The following CPA1 variants were observed in gnomAD, a reference collection of about 807,000 sequenced individuals.
CPA1 encodes the protein carboxypeptidase A1 (pancreatic).
Under a neutral mutation model 48.7 loss-of-function variants are expected in CPA1, and 42 were observed. The observed-to-expected ratio is 0.86, with a 90% CI of 0.67 to 1.11. CPA1 has a LOEUF of 1.11. Ranked by LOEUF, CPA1 falls within the 50% of genes most tolerant of loss-of-function variation. The pLI is 0.00. For synonymous variants in CPA1, 203 were observed against 217.9 expected, an observed-to-expected ratio of 0.93 and a Z score of 0.60; for missense variants, 477 against 544.7, an observed-to-expected ratio of 0.88 and a Z score of 1.24.
intron 7 of CPA1, 34 bp from the exon 8 acceptor site, chr7:130,385,112 G>T (rs782164835): frequency 6.2e-7 from 1 of 1,606,104 alleles, no homozygotes; most frequent in African/African-American, 1.3e-5. Context: ...GAAGCTGGAG[G>T]AGCCACACCG....
At chr7:130,381,238 G>T in intron 2 of CPA1, 59 bp downstream of exon 2, 1 of 1,256,944 alleles carries the variant, frequency 8.0e-7, no homozygotes, top group Non-Finnish European at 1.1e-6. Context: ...GGCCACCCCA[G>T]GTCCCCAGCG....
chr7:130,383,073 G>A (rs1224277524), intron 4 of CPA1, among the ~76,000 whole-genome samples: 2 of 152,162 alleles, frequency 1.3e-5, no homozygotes, highest in Non-Finnish European at 2.9e-5. Context: ...GAGCCACCAC[G>A]CCCAACCCAG....
rs781910756 is a variant in CPA1, at chr7:130,384,628, T to A, written c.787+2T>A. 4 of 1,612,882 alleles carry A rather than the reference T, an allele frequency of 2.5e-6. No individual in the cohort carries two copies. Among genetic ancestry groups the A allele is most frequent in the Non-Finnish European group, 3.4e-6 (4 of 1,178,888 alleles). ...GGAACTGGGACGCTGGCTTTGGGTG[T>A]AAGGCCCAGAGTGTCTTGGGAGCAA... On this transcript the variant is annotated splice_donor_variant, in intron 7 of 9. Coordinates refer to ENST00000011292, the MANE Select transcript of CPA1 (RefSeq NM_001868.4). LOFTEE classifies it high-confidence loss of function.
At chr7:130,380,841 G>C in intron 1 of CPA1, 1 of 576,092 alleles carries the variant, frequency 1.7e-6, no homozygotes, top group South Asian at 2.2e-5. Context: ...AGGCCTGGCT[G>C]GCTTGGAACA....
At chr7:130,386,041 G>A in intron 9 of CPA1, 118 bp downstream of exon 9, 1 of 798,252 alleles carries the variant, frequency 1.3e-6, no homozygotes, top group Non-Finnish European at 2.1e-6. Context: ...TCTGTCAACT[G>A]CTGGCAAGGG....
At position 130,380,524 on chromosome 7, in the gene CPA1, CGGGGGTTGCTGGTGTTGAGTGTCCTGTT is replaced by C; in HGVS notation, c.10_37del (p.Leu5SerfsTer17). 7.6e-7 allele frequency: 1 copy of C among 1,314,782 alleles called. No homozygotes were observed. 81.4% of individuals were successfully genotyped at this position (1,314,782 alleles called of 1,614,324 possible). A position where few individuals can be genotyped will look rare whatever the true frequency, so the allele number is the denominator to read the frequency against. On this transcript the variant is annotated frameshift_variant, in exon 1 of 10. Transcript: ENST00000011292. LOFTEE classifies it high-confidence loss of function. ...GACCTTCCCTCCCGGCAGCAGCATG[CGGGGGTTGCTGGTGTTGAGTGTCCTGTT>C]GGGGGCTGTCTTTGGCAAGGAGGAC...
chr7:130,383,331 C>A, intron 4 of CPA1, 60 bp from the exon 5 acceptor site: 1 of 1,397,036 alleles, frequency 7.2e-7, no homozygotes, highest in African/African-American at 1.4e-5. Context: ...TCCTTCAGGG[C>A]AGCAAGATGA....
chr7:130,387,075 T>C lies in CPA1; in HGVS notation c.1073-749T>C, dbSNP rs977169929. On this transcript the variant is annotated intron_variant, in intron 9 of 9. Coordinates refer to ENST00000011292, the MANE Select transcript of CPA1 (RefSeq NM_001868.4). This position sits in a 1 kb window ranked among gnomAD's most constrained non-coding sequence, Gnocchi z 4.6. ...GATGTTGCTGGAACAACAAGACTGG[T>C]GTGGCTGCCTCCAAGTAAGTGAAGG... Among the ~76,000 whole-genome samples the C allele has an allele frequency of 1.3e-5, 2 of 152,248 alleles. No individual in the cohort carries two copies. Among genetic ancestry groups the C allele is most frequent in the Non-Finnish European group, 2.9e-5 (2 of 68,012 alleles).
intron 7 of CPA1, 40 bp downstream of exon 7, chr7:130,384,666 C>A: frequency 6.6e-7 from 1 of 1,510,770 alleles, no homozygotes; most frequent in Non-Finnish European, 9.2e-7. Flanking sequence ...ATGGGATGGC[C>A]TCGAATGGCT....
At position 130,383,755 on chromosome 7, in the gene CPA1, C is replaced by G. The variant is rs1057524778; in HGVS notation, c.657C>G (p.Ile219Met). The change falls in exon 6 of 10, where the codon ATC becomes ATG. Residue 219 changes from isoleucine to methionine, a missense_variant. Transcript: ENST00000011292. ...ACACCTTGGACATCTTCCTGGAGAT[C>G]GTCACCAACCCTGATGGCTTTGCCT... ...ILDTLDIFLE[I>M]VTNPDGFAFT... is the part of the protein sequence containing the mutation. 2.3e-5 allele frequency: 37 copies of G among 1,614,018 alleles called. No individual in the cohort carries two copies. The highest frequency in any genetic ancestry group is 2.8e-5 in the Non-Finnish European group (33 of 1,179,982).
Position 130,385,141 on chromosome 7 carries a change from C to T in CPA1, c.788-5C>T, listed in dbSNP as rs201705049. 2.5e-6 allele frequency: 4 copies of T among 1,614,050 alleles called. No individual in the cohort carries two copies. The highest frequency in any genetic ancestry group is 1.7e-5 in the Admixed American group (1 of 60,026). The stretch of plus-strand genomic sequence containing the variant: ...CACACCGCCATGCCCTCTGTCCCCC[C>T]ACAGTGTCCGGAGCCAGCAGTAACC... On this transcript the variant is annotated splice_region_variant and splice_polypyrimidine_tract_variant and intron_variant, in intron 7 of 9. Coordinates refer to ENST00000011292, the MANE Select transcript of CPA1 (RefSeq NM_001868.4).
chr7:130,381,247 C>G, intron 2 of CPA1, 68 bp downstream of exon 2: 1 of 1,164,694 alleles, frequency 8.6e-7, no homozygotes, highest in Non-Finnish European at 1.2e-6. Flanking sequence ...AGGTCCCCAG[C>G]GGCCAACTGT....
intron 2 of CPA1, 125 bp downstream of exon 2, chr7:130,381,304 T>A: frequency 1.4e-6 from 1 of 690,636 alleles, no homozygotes; most frequent in East Asian, 2.7e-5. Flanking sequence ...TTGACTCTGT[T>A]AGGAAGCGAC....
chr7:130,385,140 CCA>C lies in CPA1; in HGVS notation c.788-3_788-2del. 2 of 1,614,038 alleles carry C rather than the reference CCA, an allele frequency of 1.2e-6. No individual in the cohort carries two copies. The highest frequency in any genetic ancestry group is 3.3e-5 in the Admixed American group (2 of 60,030). On this transcript the variant is annotated splice_polypyrimidine_tract_variant and splice_region_variant and intron_variant, in intron 7 of 9. Transcript: ENST00000011292. ...CCACACCGCCATGCCCTCTGTCCCC[CCA>C]CAGTGTCCGGAGCCAGCAGTAACCC...
At chr7:130,386,490 C>G (rs1796478453) in intron 9 of CPA1, among the ~76,000 whole-genome samples, 1 of 151,928 alleles carries the variant, frequency 6.6e-6, no homozygotes, top group African/African-American at 2.4e-5. Context: ...CAAGAGCACG[C>G]CACTGTACTC....
At chr7:130,384,352 T>A (rs1796444664) in intron 6 of CPA1, 184 bp from the exon 7 acceptor site, 1 of 598,564 alleles carries the variant, frequency 1.7e-6, no homozygotes. Flanking sequence ...TGGGAGTGGA[T>A]CCCATCCCAA....
At chr7:130,381,884 C>A in intron 3 of CPA1, 21 bp downstream of exon 3, 1 of 1,601,260 alleles carries the variant, frequency 6.2e-7, no homozygotes. Context: ...CCCTAGCGGC[C>A]GCTCCCTGCA....
Position 130,384,468 on chromosome 7 carries a change from C to CCT in CPA1, c.697-67_697-66insTC, listed in dbSNP as rs1227906099. ...TCTGCTCTCTGCAGCCTCTGAACCA[C>CCT]CCCCCACCCAGCACTGTGACAAGCG... On this transcript the variant is annotated intron_variant, in intron 6 of 9. Coordinates refer to ENST00000011292, the MANE Select transcript of CPA1 (RefSeq NM_001868.4). 3.8e-6 allele frequency: 5 copies of CCT among 1,307,996 alleles called. No individual in the cohort carries two copies. In the Admixed American group the frequency reaches 1.0e-4, roughly 27 times the overall value. 81.0% of individuals were successfully genotyped at this position (1,307,996 alleles called of 1,614,324 possible).
At position 130,382,104 on chromosome 7, in the gene CPA1, T is replaced by A. The variant is rs1331604908; in HGVS notation, c.382-4T>A. The A allele has an allele frequency of 6.2e-7, 1 of 1,613,240 alleles. No individual in the cohort carries two copies. The highest frequency in any genetic ancestry group is 8.5e-7 in the Non-Finnish European group (1 of 1,179,254). On this transcript the variant is annotated splice_polypyrimidine_tract_variant and splice_region_variant and intron_variant, in intron 3 of 9. Coordinates refer to ENST00000011292, the MANE Select transcript of CPA1 (RefSeq NM_001868.4). ...GGCCAGTGGTCTCTTCTTTCACACCTCAGATCTATGACTTCCTGGACCTGC... is the reference window on the plus strand; with the variant it reads ...GGCCAGTGGTCTCTTCTTTCACACCACAGATCTATGACTTCCTGGACCTGC...
Sources: gnomAD v4.1 joint callset for allele counts (sites outside exome capture counted in the v4.1 genomes callset) on GRCh38, gnomAD v4.1.1 for gene constraint, Gnocchi (gnomAD v3.1) non-coding constraint, MANE v1.5 for transcripts, NCBI Gene and HGNC (gene_info 2026-07-23, HGNC 2026-07-21) for gene names.